The following NOX3 variants were observed in gnomAD, a reference collection of about 807,000 sequenced individuals.
The protein encoded by NOX3 is NADPH oxidase catalytic subunit-like 3.
Under a neutral mutation model 76.7 loss-of-function variants are expected in NOX3, and 74 were observed. The observed-to-expected ratio is 0.96, with a 90% CI of 0.80 to 1.17. The LOEUF is 1.17. Ranked by LOEUF, NOX3 falls within the 50% of genes most tolerant of loss-of-function variation. The probability of loss-of-function intolerance (pLI) is 0.00; values close to 1 mark genes in which losing one functional copy is unlikely to be tolerated. For synonymous variants in NOX3, 263 were observed against 261.1 expected, an observed-to-expected ratio of 1.01 and a Z score of -0.07; for missense variants, 695 against 703.3, an observed-to-expected ratio of 0.99 and a Z score of 0.13.
chr6:155,427,263 G>A (rs1016151779), intron 9 of NOX3, among the ~76,000 whole-genome samples: 1 of 152,102 alleles, frequency 6.6e-6, no homozygotes, highest in African/African-American at 2.4e-5. Context: ...AAGGAGGCCT[G>A]TGACTCTTCC....
chr6:155,414,623 C>CTTTTTTTT (rs72348061), intron 10 of NOX3, among the ~76,000 whole-genome samples: 63 of 113,756 alleles, frequency 5.5e-4, no homozygotes, highest in East Asian at 9.6e-4. Flanking sequence ...TCTTTTCTTT[C>CTTTTTTTT]TTTTTTTTTT....
At chr6:155,407,588 T>C (rs1776481001) in intron 11 of NOX3, among the ~76,000 whole-genome samples, 1 of 152,240 alleles carries the variant, frequency 6.6e-6, no homozygotes, top group Non-Finnish European at 1.5e-5. Flanking sequence ...AACGACTTCC[T>C]TCTTTTCCTG....
At chr6:155,406,084 C>T (rs1776453552) in intron 12 of NOX3, among the ~76,000 whole-genome samples, 4 of 152,252 alleles carry the variant, frequency 2.6e-5, no homozygotes, top group Admixed American at 2.6e-4. Flanking sequence ...CACACTCCTT[C>T]ACTGCCTTCA....
At chr6:155,426,639 C>T (rs1484061536) in intron 9 of NOX3, among the ~76,000 whole-genome samples, 1 of 152,108 alleles carries the variant, frequency 6.6e-6, no homozygotes, top group Non-Finnish European at 1.5e-5. Flanking sequence ...CTGAGGACTA[C>T]ATTCTCAGTG....
At chr6:155,427,178 T>C (rs1285566991) in intron 9 of NOX3, among the ~76,000 whole-genome samples, 1 of 152,172 alleles carries the variant, frequency 6.6e-6, no homozygotes, top group Admixed American at 6.5e-5. Context: ...TGTTCTCATC[T>C]GATTTGGGGC....
intron 4 of NOX3, among the ~76,000 whole-genome samples, chr6:155,446,823 C>T (rs1456416062): frequency 1.3e-5 from 2 of 152,186 alleles, no homozygotes; most frequent in African/African-American, 2.4e-5. Context: ...GACCCTTACT[C>T]CTCTCCTCCT....
intron 6 of NOX3, among the ~76,000 whole-genome samples, chr6:155,438,775 G>A (rs1348441030): frequency 4.6e-5 from 7 of 152,228 alleles, no homozygotes; most frequent in South Asian, 4.1e-4. Flanking sequence ...GCGCAGAGTC[G>A]GAGGCCACCT....
chr6:155,445,869 CAT>C (rs60572257), intron 4 of NOX3, among the ~76,000 whole-genome samples: 87,761 of 136,146 alleles, frequency 0.64, 27,935 homozygotes, highest in African/African-American at 0.7. Flanking sequence ...CTGACATATA[CAT>C]ATATATATAT....
intron 9 of NOX3, among the ~76,000 whole-genome samples, chr6:155,425,074 G>A (rs1395969423): frequency 2.0e-5 from 3 of 152,132 alleles, no homozygotes; most frequent in Admixed American, 2.0e-4. Context: ...TTAAACTGCG[G>A]GGCACCTTGT....
At chr6:155,402,002 G>C (rs1779236679) in intron 12 of NOX3, among the ~76,000 whole-genome samples, 1 of 152,116 alleles carries the variant, frequency 6.6e-6, no homozygotes, top group Non-Finnish European at 1.5e-5. Flanking sequence ...AATTCAGAAA[G>C]CTGAGTATCC....
chr6:155,444,049 T>C (rs1411303821), intron 4 of NOX3, among the ~76,000 whole-genome samples: 1 of 152,208 alleles, frequency 6.6e-6, no homozygotes, highest in Non-Finnish European at 1.5e-5. Flanking sequence ...TTATACATGC[T>C]GATATGTATG....
At chr6:155,396,744 T>C in intron 13 of NOX3, 65 bp downstream of exon 13, 2 of 1,351,750 alleles carry the variant, frequency 1.5e-6, no homozygotes, top group Non-Finnish European at 2.0e-6. Flanking sequence ...CCTAAAATGA[T>C]TACTGTTTGG....
At chr6:155,445,990 T>TA (rs1562472184) in intron 4 of NOX3, among the ~76,000 whole-genome samples, 14 of 126,988 alleles carry the variant, frequency 1.1e-4, no homozygotes, top group Non-Finnish European at 1.6e-4. Context: ...GCTATATATA[T>TA]ATATATAATA....
At chr6:155,445,686 T>A (rs557133696) in intron 4 of NOX3, among the ~76,000 whole-genome samples, 1 of 152,012 alleles carries the variant, frequency 6.6e-6, no homozygotes, top group South Asian at 2.1e-4. Flanking sequence ...GCACCCCTGA[T>A]GAACTTTGAC....
intron 5 of NOX3, among the ~76,000 whole-genome samples, 191 bp from the exon 6 acceptor site, chr6:155,440,328 C>G (rs1310086323): frequency 6.6e-6 from 1 of 152,008 alleles, no homozygotes; most frequent in African/African-American, 2.4e-5. Flanking sequence ...AAGAAGCGAG[C>G]TTACTCTTCC....
At chr6:155,450,031 C>G (rs187897058) in intron 4 of NOX3, among the ~76,000 whole-genome samples, 3 of 152,312 alleles carry the variant, frequency 2.0e-5, no homozygotes. Context: ...TTGGGAGAAG[C>G]AGAGAGCTTT....
At chr6:155,399,592 C>A (rs558743068) in intron 12 of NOX3, among the ~76,000 whole-genome samples, 19 of 152,308 alleles carry the variant, frequency 1.2e-4, no homozygotes, top group Admixed American at 9.8e-4. Flanking sequence ...CCACAGACAG[C>A]ACAAGCAGTT....
chr6:155,411,098 C>G (rs531733118), intron 11 of NOX3, 116 bp downstream of exon 11: 39 of 762,076 alleles, frequency 5.1e-5, no homozygotes, highest in Non-Finnish European at 7.6e-5. Flanking sequence ...CTTTTAAGAA[C>G]ATAAAAATAA....
intron 5 of NOX3, among the ~76,000 whole-genome samples, chr6:155,440,862 G>A (rs923600913): frequency 6.6e-6 from 1 of 151,886 alleles, no homozygotes; most frequent in Non-Finnish European, 1.5e-5. Flanking sequence ...TTTTTTGAGA[G>A]GTCCCTTGGG....
Sources: allele counts gnomAD v4.1 joint callset (sites outside exome capture counted in the v4.1 genomes callset), GRCh38; gene constraint gnomAD v4.1.1; transcripts MANE v1.5; gene names NCBI Gene and HGNC (gene_info 2026-07-23, HGNC 2026-07-21).